The following CFAP77 variants were observed in gnomAD, a reference collection of about 807,000 sequenced individuals.
The protein encoded by CFAP77 is cilia and flagella associated protein 77, also known as cilia- and flagella-associated protein 77.
CFAP77 carries 25 observed loss-of-function variants against 31.1 expected under a neutral mutation model. The observed-to-expected ratio is 0.80, with a 90% CI of 0.59 to 1.12. CFAP77 has a LOEUF of 1.12. Among genes scored for constraint, CFAP77 ranks in the 50% most tolerant of loss-of-function variants. The pLI is 0.00. For missense variants in CFAP77, 377 were observed against 397.3 expected (o/e 0.95, Z 0.44); for synonymous variants, 151 against 159.9 (o/e 0.94, Z 0.42).
intron 5 of CFAP77, among the ~76,000 whole-genome samples, chr9:132,559,346 C>CAAAAAAAACAAAAAAAAAAAA (rs1852958242): frequency 1.8e-5 from 1 of 56,084 alleles, no homozygotes; most frequent in African/African-American, 8.2e-5. Flanking sequence ...CTCTGTCTTG[C>CAAAAAAAACAAAAAAAAAAAA]AAAAAAAAAA....
chr9:132,437,503 ATTTTTTT>A (rs763301010), intron 1 of CFAP77, among the ~76,000 whole-genome samples: 96 of 90,468 alleles, frequency 1.1e-3, no homozygotes, highest in Non-Finnish European at 1.7e-3. Flanking sequence ...CCACTTTTGC[ATTTTTTT>A]TTTTTTTTTT....
chr9:132,412,008 A>G (rs544468154), intron 1 of CFAP77, among the ~76,000 whole-genome samples: 1 of 152,338 alleles, frequency 6.6e-6, no homozygotes, highest in South Asian at 2.1e-4. Flanking sequence ...ATGTACATAT[A>G]TGTAAATTTC....
intron 1 of CFAP77, among the ~76,000 whole-genome samples, chr9:132,439,061 A>T (rs1760614670): frequency 6.6e-6 from 1 of 151,708 alleles, no homozygotes; most frequent in Non-Finnish European, 1.5e-5. Context: ...TTTTGAATAG[A>T]GATGGGGTCT....
chr9:132,509,016 G>A (rs1851985075), intron 3 of CFAP77, among the ~76,000 whole-genome samples: 1 of 152,190 alleles, frequency 6.6e-6, no homozygotes, highest in South Asian at 2.1e-4. Context: ...TGGTGCCAGT[G>A]GCCTGGTGCG....
chr9:132,444,776 G>A (rs769159979), intron 1 of CFAP77, among the ~76,000 whole-genome samples: 6 of 151,822 alleles, frequency 4.0e-5, no homozygotes, highest in East Asian at 3.9e-4. Context: ...AAAATTTGCC[G>A]TCTTACCCAT....
At chr9:132,491,690 A>C (rs1851655779) in intron 1 of CFAP77, among the ~76,000 whole-genome samples, 1 of 152,200 alleles carries the variant, frequency 6.6e-6, no homozygotes, top group African/African-American at 2.4e-5. Context: ...AATTGGGTAA[A>C]TAATGATCTT....
intron 1 of CFAP77, among the ~76,000 whole-genome samples, chr9:132,485,919 G>C (rs2118917978): frequency 7.0e-6 from 1 of 143,394 alleles, no homozygotes; most frequent in African/African-American, 2.6e-5. Flanking sequence ...AACAGGTGAC[G>C]AGCATACAAG....
At chr9:132,416,309 T>C (rs1453075088) in intron 1 of CFAP77, among the ~76,000 whole-genome samples, 1 of 151,176 alleles carries the variant, frequency 6.6e-6, no homozygotes, top group East Asian at 1.9e-4. Context: ...ATGCTATAAC[T>C]GTTGAGTGCT....
chr9:132,556,150 C>A (rs1031796529), intron 5 of CFAP77, among the ~76,000 whole-genome samples: 4 of 152,200 alleles, frequency 2.6e-5, no homozygotes, highest in African/African-American at 9.7e-5. Flanking sequence ...TGGGGGAACC[C>A]TGATGAGACA....
rs1182604458 is a variant in CFAP77 at position 132,435,463 on chromosome 9, A to G, written c.195+24997A>G. ...GAGATTTTATCTCCAGTTGTCAATAATAACGACACGCTAGGAAAAGACTGT... is the reference window on the plus strand; with the variant it reads ...GAGATTTTATCTCCAGTTGTCAATAGTAACGACACGCTAGGAAAAGACTGT... On this transcript the variant is annotated intron_variant, in intron 1 of 5. Coordinates refer to ENST00000393216, the MANE Select transcript of CFAP77 (RefSeq NM_001282957.2). 9.2e-5 allele frequency among the ~76,000 whole-genome samples: 14 copies of G among 152,332 alleles called. No individual in the cohort carries two copies. The East Asian group carries it at 2.7e-3, about 29-fold the overall frequency.
rs762945121 is a variant in CFAP77 at position 132,537,709 on chromosome 9, A to G, written c.630+3A>G. 6.2e-7 allele frequency: 1 copy of G among 1,610,752 alleles called. No homozygotes were observed. Among genetic ancestry groups the G allele is most frequent in the East Asian group, 2.2e-5 (1 of 44,854 alleles). ...TCAAACTGGAGAAGAAGCAGAAGGT[A>G]AATGCAGCCCTCGCTCCCAAGTTGA... On this transcript the variant is annotated splice_donor_region_variant and intron_variant, in intron 4 of 5. Coordinates refer to ENST00000393216, the MANE Select transcript of CFAP77 (RefSeq NM_001282957.2).
At chr9:132,536,206 A>T (rs1439082169) in intron 3 of CFAP77, among the ~76,000 whole-genome samples, 1 of 152,034 alleles carries the variant, frequency 6.6e-6, no homozygotes, top group South Asian at 2.1e-4. Flanking sequence ...GCTGGGAGTT[A>T]TTAACCAAGT....
intron 3 of CFAP77, among the ~76,000 whole-genome samples, chr9:132,510,241 G>A (rs1228477777): frequency 6.6e-6 from 1 of 152,210 alleles, no homozygotes; most frequent in Non-Finnish European, 1.5e-5. Context: ...AGGTTGCATC[G>A]CACATGCTCT....
chr9:132,464,355 C>T (rs1851114786), intron 1 of CFAP77, among the ~76,000 whole-genome samples: 1 of 151,878 alleles, frequency 6.6e-6, no homozygotes, highest in Non-Finnish European at 1.5e-5. Context: ...ATTGCTCACC[C>T]CAATTTAAAA....
chr9:132,498,416 A>T lies in CFAP77; in HGVS notation c.196-279A>T, dbSNP rs1851780554. Among the ~76,000 whole-genome samples, 1 of 151,946 alleles carries T rather than the reference A, an allele frequency of 6.6e-6. No homozygotes were observed. The highest frequency in any genetic ancestry group is 6.5e-5 in the Admixed American group (1 of 15,268). ...GCTCAGCTCGGGGACTGTGCTCCCC[A>T]CTCCAACAATACACATGTACCGAGA... is the stretch of plus-strand genomic sequence containing the variant. On this transcript the variant is annotated intron_variant, in intron 1 of 5. Coordinates refer to ENST00000393216, the MANE Select transcript of CFAP77 (RefSeq NM_001282957.2). This position sits in a 1 kb window ranked among gnomAD's most constrained non-coding sequence, Gnocchi z 4.2.
chr9:132,416,190 C>T (rs1850092721), intron 1 of CFAP77, among the ~76,000 whole-genome samples: 1 of 152,138 alleles, frequency 6.6e-6, no homozygotes, highest in Admixed American at 6.5e-5. Context: ...CTGCTGGGCT[C>T]TCACTCCTGC....
intron 3 of CFAP77, among the ~76,000 whole-genome samples, chr9:132,530,191 T>G (rs1852417725): frequency 6.7e-6 from 1 of 148,214 alleles, no homozygotes; most frequent in Non-Finnish European, 1.5e-5. Context: ...CATCAAACTC[T>G]TGGGCTCAAG....
chr9:132,443,536 AGCCACT>A (rs1850654841), intron 1 of CFAP77, among the ~76,000 whole-genome samples: 1 of 152,192 alleles, frequency 6.6e-6, no homozygotes, highest in South Asian at 2.1e-4. Context: ...TACAGGGATG[AGCCACT>A]GCACCCGGCC....
At chr9:132,482,711 G>C (rs1851469578) in intron 1 of CFAP77, among the ~76,000 whole-genome samples, 4 of 149,614 alleles carry the variant, frequency 2.7e-5, no homozygotes, top group African/African-American at 9.9e-5. Context: ...GCTGGCAAGG[G>C]CTGCCAAGGC....
Sources: gnomAD v4.1 joint callset for allele counts (sites outside exome capture counted in the v4.1 genomes callset) on GRCh38, gnomAD v4.1.1 for gene constraint, Gnocchi (gnomAD v3.1) non-coding constraint, MANE v1.5 for transcripts, NCBI Gene and HGNC (gene_info 2026-07-23, HGNC 2026-07-21) for gene names.